The following TTC6 variants were observed in gnomAD, a reference collection of about 807,000 sequenced individuals.
TTC6 encodes tetratricopeptide repeat protein 6.
Under a neutral mutation model 210.4 loss-of-function variants are expected in TTC6, and 172 were observed. The observed-to-expected ratio is 0.82, with a 90% CI of 0.72 to 0.93. The LOEUF (loss-of-function observed/expected upper bound fraction) is 0.93. Ranked by LOEUF, TTC6 falls within the 40% of genes least tolerant of loss-of-function variation. The probability of loss-of-function intolerance (pLI) is 0.00; values close to 1 mark genes in which losing one functional copy is unlikely to be tolerated. For synonymous variants in TTC6, 804 were observed against 819.6 expected (o/e 0.98, Z 0.32); for missense variants, 2,414 against 2,318.1 (o/e 1.04, Z -0.85).
At chr14:37,606,453 G>A (rs2095625319) in intron 1 of TTC6, among the ~76,000 whole-genome samples, 3 of 152,194 alleles carry the variant, frequency 2.0e-5, no homozygotes, top group Admixed American at 2.0e-4. Flanking sequence ...CTGTGGTTTT[G>A]TCCTTTACTT....
intron 29 of TTC6, among the ~76,000 whole-genome samples, chr14:37,831,082 C>T (rs2139016311): frequency 6.6e-6 from 1 of 151,652 alleles, no homozygotes; most frequent in Non-Finnish European, 1.5e-5. Flanking sequence ...TCCCCTCGCC[C>T]ACCCCTCCCA....
rs897154030 is a variant in TTC6, at chr14:37,795,282, A to T, written c.3721A>T (p.Lys1241Ter). Residue 1241 changes from lysine (K) to a stop codon, truncating the protein, a stop_gained, in exon 18 of 31, where the codon AAA becomes TAA. Coordinates refer to ENST00000553443, the Ensembl canonical transcript of TTC6. LOFTEE classifies it high-confidence loss of function. ...TCTCACTCAACAGTTGCATAAATTG[A>T]AAAAGGCAGTAAATGAATTGTCTCG... 6.5e-7 allele frequency: 1 copy of T among 1,528,666 alleles called. No homozygotes were observed. Among genetic ancestry groups the T allele is most frequent in the African/African-American group, 1.4e-5 (1 of 72,826 alleles). 94.7% of individuals were successfully genotyped at this position (1,528,666 alleles called of 1,614,324 possible).
At chr14:37,603,778 A>C (rs2095620096) in intron 1 of TTC6, among the ~76,000 whole-genome samples, 1 of 152,178 alleles carries the variant, frequency 6.6e-6, no homozygotes, top group South Asian at 2.1e-4. Flanking sequence ...TTTACTCATT[A>C]GACAAACTCC....
chr14:37,787,532 G>A (rs772874757), exon 15 of TTC6: 1 of 1,531,992 alleles, frequency 6.5e-7, no homozygotes, highest in South Asian at 1.2e-5. Context: ...AGATTTTTCT[G>A]CTGCAATTCA....
At chr14:37,629,326 C>G (rs868516360) in intron 1 of TTC6, among the ~76,000 whole-genome samples, 1 of 152,072 alleles carries the variant, frequency 6.6e-6, no homozygotes, top group African/African-American at 2.4e-5. Flanking sequence ...CTTTACATCC[C>G]TTCTAAGTTG....
At chr14:37,684,977 A>C (rs771836636) in intron 3 of TTC6, among the ~76,000 whole-genome samples, 9 of 152,202 alleles carry the variant, frequency 5.9e-5, no homozygotes, top group Non-Finnish European at 1.2e-4. Flanking sequence ...AAAGTAGAGA[A>C]TTTGATCAAT....
intron 14 of TTC6, among the ~76,000 whole-genome samples, chr14:37,767,681 T>C (rs2096003620): frequency 6.6e-6 from 1 of 152,082 alleles, no homozygotes; most frequent in Admixed American, 6.5e-5. Context: ...TTTGAGTTCA[T>C]TGTAGATTCT....
At chr14:37,683,911 T>A (rs2095789130) in intron 3 of TTC6, among the ~76,000 whole-genome samples, 1 of 152,092 alleles carries the variant, frequency 6.6e-6, no homozygotes, top group Admixed American at 6.6e-5. Context: ...CCACAGCATA[T>A]CATCTTGATT....
chr14:37,600,316 T>A (rs547183520), intron 1 of TTC6, among the ~76,000 whole-genome samples: 2 of 152,232 alleles, frequency 1.3e-5, no homozygotes, highest in South Asian at 2.1e-4. Flanking sequence ...TTCCTCTCCA[T>A]CAGCAGAAGC....
chr14:37,675,302 C>T (rs1254471744), intron 1 of TTC6, among the ~76,000 whole-genome samples: 1 of 152,112 alleles, frequency 6.6e-6, no homozygotes, highest in African/African-American at 2.4e-5. Context: ...CTGGATGTTT[C>T]ATATAAATGG....
In TTC6 at chr14:37,624,606, G is replaced by A. The variant is rs75445921; in HGVS notation, c.939+1603G>A. On this transcript the variant is annotated intron_variant, in intron 1 of 30. Coordinates refer to ENST00000553443, the Ensembl canonical transcript of TTC6. ...TGCAGTGTATTCAGCTCTTTTACCA[G>A]AAGTGTTAATTCCTCTTGTGTATTC... Among the ~76,000 whole-genome samples the A allele has an allele frequency of 8.6e-3, 1,316 of 152,162 alleles. 37 individuals are homozygous for A. Among genetic ancestry groups the A allele is most frequent in the Non-Finnish European group, 0.012 (829 of 67,980 alleles).
intron 20 of TTC6, among the ~76,000 whole-genome samples, chr14:37,803,175 C>G (rs551729742): frequency 2.0e-5 from 3 of 152,272 alleles, no homozygotes; most frequent in African/African-American, 4.8e-5. Context: ...TCCTCCCAGC[C>G]TGTCCTCTGT....
At chr14:37,625,642 T>C (rs937250303) in intron 1 of TTC6, among the ~76,000 whole-genome samples, 2 of 152,336 alleles carry the variant, frequency 1.3e-5, no homozygotes, top group African/African-American at 4.8e-5. Context: ...ATAAGGACTT[T>C]TGTTTTAAAC....
rs186306827 is a variant in TTC6, at chr14:37,637,002, T to C, written c.939+13999T>C. Among the ~76,000 whole-genome samples the C allele has an allele frequency of 1.5e-3, 223 of 152,280 alleles. No individual in the cohort carries two copies. The East Asian group carries it at 0.034, about 23-fold the overall frequency. ...ACACAGAAGTGGAGCCACACAGATA[T>C]GCCCAATTGATTTGACAAAGTGCAG... On this transcript the variant is annotated intron_variant, in intron 1 of 30. Coordinates refer to ENST00000553443, the Ensembl canonical transcript of TTC6.
At chr14:37,731,146 C>A (rs1420149946) in intron 7 of TTC6, among the ~76,000 whole-genome samples, 1 of 152,152 alleles carries the variant, frequency 6.6e-6, no homozygotes, top group African/African-American at 2.4e-5. Context: ...CTGTGAGGCT[C>A]TGGTTTTCAT....
chr14:37,753,052 T>A, intron 13 of TTC6, 47 bp from the exon 16 acceptor site: 4 of 1,407,410 alleles, frequency 2.8e-6, no homozygotes, highest in Middle Eastern at 1.9e-4. Flanking sequence ...ATATACTTCA[T>A]TTTTTTTCAT....
chr14:37,607,924 C>T (rs1176124038), intron 2 of TTC6, among the ~76,000 whole-genome samples: 1 of 152,170 alleles, frequency 6.6e-6, no homozygotes, highest in African/African-American at 2.4e-5. Context: ...AATCCTGTTT[C>T]CTCACTCCCA....
chr14:37,610,356 A>C (rs1235994072), intron 2 of TTC6, among the ~76,000 whole-genome samples: 1 of 152,194 alleles, frequency 6.6e-6, no homozygotes, highest in East Asian at 1.9e-4. Context: ...TATTCATGGC[A>C]ACAAACTCCA....
chr14:37,685,341 T>G (rs2095791637), intron 3 of TTC6, among the ~76,000 whole-genome samples: 1 of 152,090 alleles, frequency 6.6e-6, no homozygotes, highest in Non-Finnish European at 1.5e-5. Flanking sequence ...TAGAAAAATA[T>G]AAAGGTGGCA....
Sources: gnomAD v4.1 joint callset for allele counts (sites outside exome capture counted in the v4.1 genomes callset) on GRCh38, gnomAD v4.1.1 for gene constraint, MANE v1.5 for transcripts, NCBI Gene and HGNC (gene_info 2026-07-23, HGNC 2026-07-21) for gene names.